ARHGAP17: variants seen among roughly 807,000 people sequenced by gnomAD.
The protein encoded by ARHGAP17 is rho GTPase-activating protein 17.
Under a neutral mutation model 99.5 loss-of-function variants are expected in ARHGAP17, and 57 were observed. The ratio of observed to expected loss-of-function variants is 0.57; its 90% CI spans 0.46 to 0.71. The LOEUF (loss-of-function observed/expected upper bound fraction) is 0.71. Ranked by LOEUF, ARHGAP17 falls within the 30% of genes least tolerant of loss-of-function variation. ARHGAP17 has a pLI of 0.00. For synonymous variants in ARHGAP17, 417 were observed against 429.6 expected (o/e 0.97, Z 0.36); for missense variants, 1,000 against 1,122.4 (o/e 0.89, Z 1.56).
intron 18 of ARHGAP17, among the ~76,000 whole-genome samples, chr16:24,933,015 G>T (rs910973514): frequency 4.6e-5 from 7 of 152,146 alleles, no homozygotes; most frequent in African/African-American, 7.2e-5. Context: ...TGCAGGGCAA[G>T]CTCTGTTATC....
At chr16:24,950,301 T>C (rs2141226644) in intron 12 of ARHGAP17, among the ~76,000 whole-genome samples, 1 of 152,246 alleles carries the variant, frequency 6.6e-6, no homozygotes, top group South Asian at 2.1e-4. Flanking sequence ...TATTTCCTTG[T>C]AATAAACAAG....
intron 1 of ARHGAP17, among the ~76,000 whole-genome samples, chr16:24,980,923 G>A (rs1260006502): frequency 6.6e-6 from 1 of 151,976 alleles, no homozygotes; most frequent in African/African-American, 2.4e-5. Context: ...AAGTCTCAAG[G>A]CCTATTAAAA....
intron 19 of ARHGAP17, among the ~76,000 whole-genome samples, chr16:24,926,508 C>T (rs1016269499): frequency 1.3e-5 from 2 of 152,138 alleles, no homozygotes; most frequent in Admixed American, 6.5e-5. Context: ...GTGATCCACC[C>T]GCCTCAGCCT....
At chr16:24,950,998 G>A (rs567887736) in intron 12 of ARHGAP17, among the ~76,000 whole-genome samples, 12 of 152,286 alleles carry the variant, frequency 7.9e-5, no homozygotes, top group African/African-American at 2.6e-4. Flanking sequence ...CCGTAGACGG[G>A]GAAGAGGACA....
chr16:24,968,507 T>C, intron 5 of ARHGAP17, 80 bp from the exon 6 acceptor site: 1 of 1,569,650 alleles, frequency 6.4e-7, no homozygotes, highest in African/African-American at 1.4e-5. Flanking sequence ...AAACGTTTTT[T>C]CTCTAAGGCA....
chr16:24,997,931 C>T (rs532957204), intron 1 of ARHGAP17, among the ~76,000 whole-genome samples: 2 of 152,204 alleles, frequency 1.3e-5, no homozygotes, highest in South Asian at 2.1e-4. Context: ...GGTCCAGAAA[C>T]GAAGAGCCTG....
intron 14 of ARHGAP17, among the ~76,000 whole-genome samples, chr16:24,944,826 C>T (rs1180487977): frequency 1.3e-5 from 2 of 151,860 alleles, no homozygotes; most frequent in Non-Finnish European, 1.5e-5. Flanking sequence ...CGGTGTTAGC[C>T]AGGATGGTCT....
chr16:24,943,441 T>C (rs1371898158), intron 15 of ARHGAP17, among the ~76,000 whole-genome samples: 1 of 152,248 alleles, frequency 6.6e-6, no homozygotes, highest in Non-Finnish European at 1.5e-5. Context: ...TGCCTTGTGT[T>C]ATAATTTATC....
intron 7 of ARHGAP17, among the ~76,000 whole-genome samples, chr16:24,961,518 A>ATTTTTTTTT (rs1171754361): frequency 2.5e-5 from 2 of 81,504 alleles, no homozygotes; most frequent in African/African-American, 5.0e-5. Context: ...AAAAAAAAAA[A>ATTTTTTTTT]TTTTTTTTTT....
chr16:24,941,991 C>CCTT lies in ARHGAP17; in HGVS notation c.1483_1485dup (p.Lys495dup). On this transcript the variant is annotated inframe_insertion, in exon 16 of 20. Coordinates refer to ENST00000289968, the MANE Select transcript of ARHGAP17 (RefSeq NM_001006634.3). ...AAGTGAACGGTCAAATCATACCTTT[C>CCTT]CTTCTTCACCAAGTCTCCTTCCATC... 1 of 1,613,980 alleles carries CCTT rather than the reference C, an allele frequency of 6.2e-7. No individual in the cohort carries two copies. Among genetic ancestry groups the CCTT allele is most frequent in the Non-Finnish European group, 8.5e-7 (1 of 1,179,900 alleles).
At chr16:24,958,296 A>G (rs2051872507) in intron 9 of ARHGAP17, among the ~76,000 whole-genome samples, 1 of 152,232 alleles carries the variant, frequency 6.6e-6, no homozygotes, top group South Asian at 2.1e-4. Flanking sequence ...TCCTCTTGTT[A>G]ATCAACTCTT....
At chr16:24,966,885 C>CTA (rs1356629953) in intron 6 of ARHGAP17, among the ~76,000 whole-genome samples, 4 of 152,178 alleles carry the variant, frequency 2.6e-5, no homozygotes, top group Non-Finnish European at 5.9e-5. Context: ...ATGCAGGTCC[C>CTA]TCCCTTATCT....
intron 9 of ARHGAP17, among the ~76,000 whole-genome samples, chr16:24,958,056 A>G (rs2051863234): frequency 6.6e-6 from 1 of 152,116 alleles, no homozygotes; most frequent in African/African-American, 2.4e-5. Flanking sequence ...GTAAAGGGTG[A>G]CCTCAGCAAG....
At position 24,999,798 on chromosome 16, in the gene ARHGAP17, T is replaced by C. The variant is rs565664524; in HGVS notation, c.53+15411A>G. Among the ~76,000 whole-genome samples the C allele has an allele frequency of 3.2e-4, 49 of 152,352 alleles. 1 individual carries two copies. The Middle Eastern group carries it at 0.014, about 42-fold the overall frequency. On this transcript the variant is annotated intron_variant, in intron 1 of 19. Coordinates refer to ENST00000289968, the MANE Select transcript of ARHGAP17 (RefSeq NM_001006634.3). ...CTTTCCACAATAAGCTATATTTTCTTGTATTTATTTTGTGGTTTTATTTTT... is the reference window on the plus strand; with the variant it reads ...CTTTCCACAATAAGCTATATTTTCTCGTATTTATTTTGTGGTTTTATTTTT...
At chr16:24,949,317 T>C in intron 13 of ARHGAP17, 87 bp downstream of exon 13, 1 of 1,023,442 alleles carries the variant, frequency 9.8e-7, no homozygotes, top group Non-Finnish European at 1.4e-6. Flanking sequence ...TTTTTTAATG[T>C]GCCAAGTATG....
chr16:24,964,265 G>T lies in ARHGAP17; in HGVS notation c.505C>A (p.Leu169Ile). ...HKSSGTNFQG[L>I]PSKIDTLKEE... ...TTTAGAGTATCTATTTTTGATGGAA[G>T]CCCCTGAAAGTTGGTTCCTGAGGAT... The change falls in exon 7 of 20, where the codon CTT becomes ATT. Residue 169 changes from leucine (L) to isoleucine (I), a missense_variant. Coordinates refer to ENST00000289968, the MANE Select transcript of ARHGAP17 (RefSeq NM_001006634.3). 6.2e-7 allele frequency: 1 copy of T among 1,613,776 alleles called. No individual in the cohort carries two copies. Among genetic ancestry groups the T allele is most frequent in the Non-Finnish European group, 8.5e-7 (1 of 1,179,940 alleles).
At chr16:24,945,233 G>A (rs2141205541) in intron 14 of ARHGAP17, among the ~76,000 whole-genome samples, 1 of 151,872 alleles carries the variant, frequency 6.6e-6, no homozygotes, top group African/African-American at 2.4e-5. Flanking sequence ...TGGGGTTGGA[G>A]GATAGCCTGA....
rs143419357 is a variant in ARHGAP17, at chr16:24,959,426, G to A, written c.724+245C>T. The stretch of plus-strand genomic sequence containing the variant: ...AAACACACAGGTACTCCCCAAAGAG[G>A]CCAGCTTTCTCTTCAACTGAAGGTT... On this transcript the variant is annotated intron_variant, in intron 9 of 19. Coordinates refer to ENST00000289968, the MANE Select transcript of ARHGAP17 (RefSeq NM_001006634.3). Among the ~76,000 whole-genome samples the A allele has an allele frequency of 2.6e-5, 4 of 152,324 alleles. No homozygotes were observed. The East Asian group carries it at 7.7e-4, about 29-fold the overall frequency.
chr16:25,012,940 A>T lies in ARHGAP17; in HGVS notation c.53+2269T>A, dbSNP rs763666776. ...ACACCACCAAGGCGATCTAGTAAGAACTCAAATACCAGAATTAACAATGTC... is the reference window on the plus strand; with the variant it reads ...ACACCACCAAGGCGATCTAGTAAGATCTCAAATACCAGAATTAACAATGTC... On this transcript the variant is annotated intron_variant, in intron 1 of 19. Transcript: ENST00000289968. 2.6e-4 allele frequency among the ~76,000 whole-genome samples: 39 copies of T among 152,186 alleles called. 1 individual carries two copies. Among genetic ancestry groups the T allele is most frequent in the Non-Finnish European group, 1.8e-4 (12 of 68,030 alleles).
Sources: allele counts gnomAD v4.1 joint callset (sites outside exome capture counted in the v4.1 genomes callset), GRCh38; gene constraint gnomAD v4.1.1; transcripts MANE v1.5; gene names NCBI Gene and HGNC (gene_info 2026-07-23, HGNC 2026-07-21).